DPH6: variants seen among roughly 807,000 people sequenced by gnomAD.
DPH6 encodes the protein diphthamine biosynthesis 6, also known as diphthine--ammonia ligase.
Under a neutral mutation model 38.2 loss-of-function variants are expected in DPH6, and 33 were observed. The observed-to-expected ratio is 0.86, with a 90% CI of 0.65 to 1.15. DPH6 has a LOEUF of 1.15. Ranked by LOEUF, DPH6 falls within the 50% of genes most tolerant of loss-of-function variation. The pLI, the probability that DPH6 is intolerant of heterozygous loss-of-function variation, is 0.00. For missense variants in DPH6, 325 were observed against 320.0 expected (o/e 1.02, Z -0.12); for synonymous variants, 108 against 103.0 (o/e 1.05, Z -0.30).
At chr15:35,404,915 A>G (rs972277984) in intron 6 of DPH6, among the ~76,000 whole-genome samples, 1 of 152,132 alleles carries the variant, frequency 6.6e-6, no homozygotes, top group East Asian at 1.9e-4. Flanking sequence ...GGTGAGAGAG[A>G]GGGATCAAGT....
intron 3 of DPH6, among the ~76,000 whole-genome samples, chr15:35,284,801 ATTTTTTTTT>A (rs71123127): frequency 3.3e-4 from 26 of 79,256 alleles, no homozygotes; most frequent in East Asian, 1.5e-3. Flanking sequence ...AAGTCTCCAA[ATTTTTTTTT>A]TTTTTTTTTT....
At chr15:35,443,842 A>G (rs886543565) in intron 5 of DPH6, among the ~76,000 whole-genome samples, 4 of 150,488 alleles carry the variant, frequency 2.7e-5, no homozygotes, top group African/African-American at 1.0e-4. Flanking sequence ...CCCACATACA[A>G]TGTGATATTT....
chr15:35,372,269 A>T, intron 8 of DPH6, 66 bp from the exon 9 acceptor site: 1 of 1,272,932 alleles, frequency 7.9e-7, no homozygotes, highest in Non-Finnish European at 1.0e-6. Flanking sequence ...AGTGAATATG[A>T]CACTTCAAAG....
intron 6 of DPH6, among the ~76,000 whole-genome samples, chr15:35,384,926 A>G (rs1241706266): frequency 6.6e-6 from 1 of 152,156 alleles, no homozygotes; most frequent in Non-Finnish European, 1.5e-5. Context: ...ATTTACAAGA[A>G]AAAAAACAAC....
At chr15:35,523,450 AGGTTG>A (rs2054953289) in intron 3 of DPH6, among the ~76,000 whole-genome samples, 1 of 151,892 alleles carries the variant, frequency 6.6e-6, no homozygotes, top group Non-Finnish European at 1.5e-5. Flanking sequence ...GATCCTATTA[AGGTTG>A]GTAGCTTTAC....
intron 3 of DPH6, among the ~76,000 whole-genome samples, chr15:35,484,334 C>T (rs919289007): frequency 2.0e-5 from 3 of 152,200 alleles, no homozygotes; most frequent in Non-Finnish European, 4.4e-5. Flanking sequence ...TTCACAGATT[C>T]TGTGCTTTAG....
At chr15:35,254,758 C>T (rs1399450625) in intron 3 of DPH6, among the ~76,000 whole-genome samples, 14 of 151,580 alleles carry the variant, frequency 9.2e-5, no homozygotes, top group East Asian at 5.8e-4. Context: ...GGGCTGAGTC[C>T]GAAAAGAGAG....
downstream of DPH6, among the ~76,000 whole-genome samples, chr15:35,368,897 A>T (rs1483852511): frequency 6.6e-6 from 1 of 151,854 alleles, no homozygotes; most frequent in East Asian, 1.9e-4. Context: ...GACTAGAAAG[A>T]GAGTGACTTT....
the DPH6 span, among the ~76,000 whole-genome samples, chr15:35,195,235 G>A: frequency 1.3e-5 from 2 of 152,096 alleles, no homozygotes; most frequent in Admixed American, 1.3e-4. Flanking sequence ...ATGTGGCTAC[G>A]AATGACAGGA....
chr15:35,188,966 C>A, the DPH6 span, among the ~76,000 whole-genome samples: 1 of 152,052 alleles, frequency 6.6e-6, no homozygotes, highest in Non-Finnish European at 1.5e-5. Flanking sequence ...ATGAAAATAG[C>A]AAAGTACTAT....
Position 35,454,828 on chromosome 15 carries a change from TAAAGA to T in DPH6, c.313-13_313-9del. 1 of 1,587,230 alleles carries T rather than the reference TAAAGA, an allele frequency of 6.3e-7. No individual in the cohort carries two copies. Among genetic ancestry groups the T allele is most frequent in the Non-Finnish European group, 8.6e-7 (1 of 1,169,162 alleles). Reference sequence around the variant, plus strand: ...CTCTACTTCTTCTTTTTCCTGAAAATAAAGAAAAAAACCATAACTTTAAAAATAAA... The same window carrying T: ...CTCTACTTCTTCTTTTTCCTGAAAATAAAAAACCATAACTTTAAAAATAAA... On this transcript the variant is annotated splice_polypyrimidine_tract_variant and intron_variant, in intron 3 of 8. Coordinates refer to ENST00000256538, the MANE Select transcript of DPH6 (RefSeq NM_080650.4).
chr15:35,491,742 A>C (rs768032567), intron 3 of DPH6, among the ~76,000 whole-genome samples: 14 of 149,772 alleles, frequency 9.3e-5, no homozygotes, highest in Non-Finnish European at 1.9e-4. Context: ...TAGATATATT[A>C]ATTTACATGT....
chr15:35,243,053 A>T (rs1411910976), intron 3 of DPH6, among the ~76,000 whole-genome samples: 1 of 142,220 alleles, frequency 7.0e-6, no homozygotes, highest in Non-Finnish European at 1.5e-5. Context: ...GGCACTCTCT[A>T]ATTAGATGTC....
chr15:35,435,193 C>T (rs1003690176), intron 5 of DPH6, among the ~76,000 whole-genome samples: 16 of 152,166 alleles, frequency 1.1e-4, no homozygotes, highest in African/African-American at 3.9e-4. Flanking sequence ...CACCTGGGTG[C>T]TGCATAACAT....
At chr15:35,163,669 TC>T in the DPH6 span, among the ~76,000 whole-genome samples, 1 of 151,820 alleles carries the variant, frequency 6.6e-6, no homozygotes, top group Non-Finnish European at 1.5e-5. Flanking sequence ...AAATATTACA[TC>T]TAAATTCGTC....
intron 3 of DPH6, among the ~76,000 whole-genome samples, chr15:35,358,370 T>G (rs1017334491): frequency 6.6e-6 from 1 of 152,246 alleles, no homozygotes; most frequent in Non-Finnish European, 1.5e-5. Context: ...CCTCCTGAAT[T>G]CTTTTTCAGG....
intron 3 of DPH6, among the ~76,000 whole-genome samples, chr15:35,526,593 T>C (rs1359472106): frequency 6.6e-6 from 1 of 152,168 alleles, no homozygotes; most frequent in African/African-American, 2.4e-5. Flanking sequence ...CCCATTCTAC[T>C]GCCTCTGAAG....
At chr15:35,250,378 G>A (rs973790108) in intron 3 of DPH6, among the ~76,000 whole-genome samples, 2 of 152,178 alleles carry the variant, frequency 1.3e-5, no homozygotes, top group African/African-American at 2.4e-5. Context: ...CTGCCACAAC[G>A]TGTGGCACTG....
chr15:35,278,569 G>C lies in DPH6; in HGVS notation n.201-57987C>G, dbSNP rs142334270. ...CTGCCTAGTGGAGCAGTAAGAAGGG[G>C]GCCACTGCCTTCCAGGCCAAAGAAT... On this transcript the variant is annotated intron_variant and non_coding_transcript_variant, in intron 3 of 3. Coordinates refer to the DPH6 transcript ENST00000560386. Among the ~76,000 whole-genome samples the C allele has an allele frequency of 6.6e-3, 1,006 of 152,258 alleles. 10 individuals carry two copies. The highest frequency in any genetic ancestry group is 0.023 in the African/African-American group (954 of 41,542).
Sources: allele counts gnomAD v4.1 joint callset (sites outside exome capture counted in the v4.1 genomes callset), GRCh38; gene constraint gnomAD v4.1.1; transcripts MANE v1.5; gene names NCBI Gene and HGNC (gene_info 2026-07-23, HGNC 2026-07-21).